Variants in ZNF713 observed in about 807,000 individuals in gnomAD.
ZNF713 encodes zinc finger protein 713.
In ZNF713, 21 loss-of-function variants were observed where a neutral mutation model predicts 28.7. The ratio of observed to expected loss-of-function variants is 0.73; its 90% CI spans 0.52 to 1.05. The LOEUF (loss-of-function observed/expected upper bound fraction) is 1.05, where lower values mean the gene tolerates loss of function less well. ZNF713 is among the 50% of genes least tolerant of loss of function. The pLI, the probability that ZNF713 is intolerant of heterozygous loss-of-function variation, is 0.00. For synonymous variants in ZNF713, 167 were observed against 178.0 expected, an observed-to-expected ratio of 0.94 and a Z score of 0.49; for missense variants, 458 against 532.4, an observed-to-expected ratio of 0.86 and a Z score of 1.37.
intron 4 of ZNF713, among the ~76,000 whole-genome samples, chr7:55,919,945 G>A (rs1785963394): frequency 6.6e-6 from 1 of 151,994 alleles, no homozygotes; most frequent in African/African-American, 2.4e-5. Context: ...TACATGCTAT[G>A]AACAGCACTC....
intron 2 of ZNF713, among the ~76,000 whole-genome samples, chr7:55,908,993 C>G (rs1357959692): frequency 6.6e-6 from 1 of 151,570 alleles, no homozygotes; most frequent in Non-Finnish European, 1.5e-5. Context: ...GTCAGGAGAT[C>G]GAGACCATCC....
At chr7:55,932,747 A>C (rs113161240) in intron 6 of ZNF713, among the ~76,000 whole-genome samples, 5 of 147,834 alleles carry the variant, frequency 3.4e-5, no homozygotes, top group Non-Finnish European at 7.5e-5. Flanking sequence ...AGCCGGGCGC[A>C]GTGGCGGGCG....
At chr7:55,905,974 C>T (rs956468124) in intron 1 of ZNF713, among the ~76,000 whole-genome samples, 9 of 151,792 alleles carry the variant, frequency 5.9e-5, no homozygotes, top group Admixed American at 2.0e-4. Flanking sequence ...TGGTGGTACA[C>T]GCCTGTAGTC....
chr7:55,925,476 C>G (rs1322673925), intron 6 of ZNF713, among the ~76,000 whole-genome samples: 1 of 152,022 alleles, frequency 6.6e-6, no homozygotes, highest in South Asian at 2.1e-4. Context: ...CAAAAATTAG[C>G]CAGGCGTGGT....
chr7:55,922,832 CAAT>C (rs1337173352), intron 4 of ZNF713, among the ~76,000 whole-genome samples: 1 of 152,140 alleles, frequency 6.6e-6, no homozygotes, highest in Non-Finnish European at 1.5e-5. Context: ...CACTTTATTG[CAAT>C]ATTATTGTGG....
intron 6 of ZNF713, among the ~76,000 whole-genome samples, chr7:55,928,563 A>G (rs1786146177): frequency 6.6e-6 from 1 of 152,202 alleles, no homozygotes; most frequent in South Asian, 2.1e-4. Context: ...GGTCCAGAAT[A>G]TGAATGTATT....
At chr7:55,888,311 C>G (rs1158106541) in intron 1 of ZNF713, among the ~76,000 whole-genome samples, 1 of 152,194 alleles carries the variant, frequency 6.6e-6, no homozygotes, top group Non-Finnish European at 1.5e-5. Context: ...CGTTGAGTCA[C>G]TTTTCCACGG....
At chr7:55,935,957 GA>G (rs1478678722) in intron 6 of ZNF713, among the ~76,000 whole-genome samples, 2 of 142,972 alleles carry the variant, frequency 1.4e-5, no homozygotes, top group African/African-American at 2.6e-5. Context: ...TCTGTCTCAA[GA>G]AAAAAAAGAG....
In ZNF713 at chr7:55,894,941, A is replaced by G. The variant is rs988450320; in HGVS notation, c.-583+7261A>G. The stretch of plus-strand genomic sequence containing the variant: ...CATGTGTATGCCTGTGTGTGTATAC[A>G]TGGAAAAAGCCTGAAAGGATAAATC... On this transcript the variant is annotated intron_variant, in intron 1 of 6. Transcript: ENST00000429591. 3.9e-5 allele frequency among the ~76,000 whole-genome samples: 6 copies of G among 152,234 alleles called. No homozygotes were observed. In the South Asian group the frequency reaches 8.3e-4, roughly 21 times the overall value.
chr7:55,894,174 G>A (rs756455984), intron 1 of ZNF713, among the ~76,000 whole-genome samples: 38 of 152,172 alleles, frequency 2.5e-4, no homozygotes, highest in Admixed American at 9.8e-4. Context: ...ATTAACATCT[G>A]AACATGTCCC....
At chr7:55,937,533 CAGGACTG>C (rs1786378398) in intron 6 of ZNF713, among the ~76,000 whole-genome samples, 1 of 151,996 alleles carries the variant, frequency 6.6e-6, no homozygotes. Flanking sequence ...TTCTATTACC[CAGGACTG>C]AGCATTTTAA....
chr7:55,914,065 C>T lies in ZNF713; in HGVS notation c.87+1342C>T, dbSNP rs997582683. 6.1e-5 allele frequency among the ~76,000 whole-genome samples: 9 copies of T among 148,112 alleles called. No individual in the cohort carries two copies. The South Asian group carries it at 1.5e-3, about 25-fold the overall frequency. On this transcript the variant is annotated intron_variant, in intron 4 of 6. Coordinates refer to ENST00000429591, the MANE Select transcript of ZNF713 (RefSeq NM_182633.3). ...GGCAGAGGTTGCAGTAAGCCAAGAT[C>T]GTGCCACTGCACTCCAGCCTGGGCA...
chr7:55,889,956 A>G (rs889877388), intron 1 of ZNF713, among the ~76,000 whole-genome samples: 1 of 152,172 alleles, frequency 6.6e-6, no homozygotes, highest in Non-Finnish European at 1.5e-5. Flanking sequence ...TCACAGTTCT[A>G]GAGGTGGGAA....
intron 4 of ZNF713, among the ~76,000 whole-genome samples, 194 bp from the exon 5 acceptor site, chr7:55,922,968 T>G (rs80297352): frequency 2.6e-5 from 4 of 152,216 alleles, no homozygotes; most frequent in Non-Finnish European, 5.9e-5. Context: ...AATTATTTCA[T>G]GTATGTTTTT....
intron 4 of ZNF713, among the ~76,000 whole-genome samples, chr7:55,922,115 C>T (rs867643121): frequency 4.0e-5 from 6 of 151,888 alleles, no homozygotes; most frequent in African/African-American, 7.3e-5. Flanking sequence ...TCAGTAGAGA[C>T]GGGGTTTCAC....
chr7:55,913,005 A>G lies in ZNF713; in HGVS notation c.87+282A>G, dbSNP rs115127708. On this transcript the variant is annotated intron_variant, in intron 4 of 6. Transcript: ENST00000429591. ...ATGGACTGTCTTTTAATCGTCCTTA[A>G]ATAGCTCAGTAAAATTTAAACAATG... is the stretch of plus-strand genomic sequence containing the variant. 8.4e-3 allele frequency among the ~76,000 whole-genome samples: 1,278 copies of G among 152,216 alleles called. 16 individuals are homozygous for G. The highest frequency in any genetic ancestry group is 0.028 in the African/African-American group (1,179 of 41,526).
intron 6 of ZNF713, among the ~76,000 whole-genome samples, chr7:55,930,108 T>A (rs1786181605): frequency 6.6e-6 from 1 of 152,088 alleles, no homozygotes; most frequent in Non-Finnish European, 1.5e-5. Context: ...TTGCCCAGGC[T>A]GGAGTGCAGT....
chr7:55,899,356 CAAAAA>C (rs71015114), intron 1 of ZNF713, among the ~76,000 whole-genome samples: 225 of 68,918 alleles, frequency 3.3e-3, no homozygotes, highest in Non-Finnish European at 4.8e-3. Context: ...GATTCCATCT[CAAAAA>C]AAAAAAAAAA....
At position 55,929,149 on chromosome 7, in the gene ZNF713, G is replaced by A. The variant is rs754279762; in HGVS notation, c.307+5450G>A. Among the ~76,000 whole-genome samples, 188 of 151,908 alleles carry A rather than the reference G, an allele frequency of 1.2e-3. 4 individuals are homozygous for A. Among genetic ancestry groups the A allele is most frequent in the Non-Finnish European group, 5.6e-4 (38 of 68,002 alleles). On this transcript the variant is annotated intron_variant, in intron 6 of 6. Transcript: ENST00000429591. ...TGAGTCCATCTCAAAAATAAAAAAC[G>A]TGCCTACAAGAGTTTGAGGGGAAAG...
Sources: allele counts gnomAD v4.1 joint callset (sites outside exome capture counted in the v4.1 genomes callset), GRCh38; gene constraint gnomAD v4.1.1; transcripts MANE v1.5; gene names NCBI Gene and HGNC (gene_info 2026-07-23, HGNC 2026-07-21).